Variants in CDK19 observed in about 807,000 individuals in gnomAD.
The protein encoded by CDK19 is cyclin-dependent kinase 19.
A neutral mutation model predicts 68.3 loss-of-function variants in CDK19; 20 were observed. That is an observed-to-expected ratio of 0.29 (90% confidence interval 0.21 to 0.43). CDK19 has a LOEUF of 0.43. Ranked by LOEUF, CDK19 falls within the 20% of genes least tolerant of loss-of-function variation. The pLI is 1.00. For missense variants in CDK19, 339 were observed against 623.5 expected (o/e 0.54, Z 4.86); for synonymous variants, 221 against 222.8 (o/e 0.99, Z 0.07).
intron 4 of CDK19, among the ~76,000 whole-genome samples, chr6:110,648,410 A>G (rs1045164691): frequency 6.6e-6 from 1 of 152,196 alleles, no homozygotes; most frequent in African/African-American, 2.4e-5. Flanking sequence ...GGAAAAAAAG[A>G]GCTAGGAAAT....
At chr6:110,668,185 TG>T (rs1376922660) in intron 3 of CDK19, among the ~76,000 whole-genome samples, 1 of 152,140 alleles carries the variant, frequency 6.6e-6, no homozygotes, top group East Asian at 1.9e-4. Flanking sequence ...ATAAAAACAT[TG>T]TACTGAAAGG....
At chr6:110,681,721 G>A (rs866494139) in intron 2 of CDK19, among the ~76,000 whole-genome samples, 2 of 152,070 alleles carry the variant, frequency 1.3e-5, no homozygotes, top group Non-Finnish European at 2.9e-5. Context: ...CTACAAATAC[G>A]TGTAATCATA....
At chr6:110,643,008 A>G (rs1050987524) in intron 4 of CDK19, among the ~76,000 whole-genome samples, 8 of 152,346 alleles carry the variant, frequency 5.3e-5, no homozygotes, top group Non-Finnish European at 1.2e-4. Context: ...AGGAAAGGCA[A>G]GGTAGGCCTG....
chr6:110,688,666 A>G (rs1008448810), intron 2 of CDK19, among the ~76,000 whole-genome samples: 1 of 152,160 alleles, frequency 6.6e-6, no homozygotes, highest in Admixed American at 6.5e-5. Flanking sequence ...CCTTAACCCC[A>G]CCCAGCACAG....
At chr6:110,646,797 G>A (rs1780621624) in intron 4 of CDK19, among the ~76,000 whole-genome samples, 1 of 151,982 alleles carries the variant, frequency 6.6e-6, no homozygotes, top group Non-Finnish European at 1.5e-5. Flanking sequence ...GTGGGGTGGC[G>A]GGCAAACCTT....
At chr6:110,716,006 G>A (rs555579780) in intron 2 of CDK19, among the ~76,000 whole-genome samples, 1 of 152,076 alleles carries the variant, frequency 6.6e-6, no homozygotes, top group South Asian at 2.1e-4. Context: ...TTTTCTGTCT[G>A]GAAGGAAGTG....
chr6:110,673,519 C>T (rs12208148), intron 2 of CDK19, among the ~76,000 whole-genome samples: 7,187 of 151,654 alleles, frequency 0.047, 178 homozygotes, highest in Middle Eastern at 0.075. Flanking sequence ...TGAGGAACCA[C>T]CATATAGGTC....
At chr6:110,793,318 G>A (rs752721052) in intron 1 of CDK19, among the ~76,000 whole-genome samples, 1 of 152,090 alleles carries the variant, frequency 6.6e-6, no homozygotes, top group Non-Finnish European at 1.5e-5. Flanking sequence ...ATATGACTCT[G>A]TTCTCTTCAC....
chr6:110,690,657 C>A (rs1772908418), intron 2 of CDK19, among the ~76,000 whole-genome samples: 1 of 152,196 alleles, frequency 6.6e-6, no homozygotes, highest in Non-Finnish European at 1.5e-5. Flanking sequence ...CAAGAGACCA[C>A]TGCCATTCCA....
intron 2 of CDK19, among the ~76,000 whole-genome samples, chr6:110,686,575 T>G (rs1172752839): frequency 6.6e-6 from 1 of 152,148 alleles, no homozygotes; most frequent in Non-Finnish European, 1.5e-5. Flanking sequence ...AAGTAGAGAC[T>G]CAACAAATTT....
intron 2 of CDK19, among the ~76,000 whole-genome samples, chr6:110,729,034 AAT>A (rs66900484): frequency 0.019 from 2,960 of 152,302 alleles, 94 homozygotes; most frequent in African/African-American, 0.068. Context: ...GATTAATAAT[AAT>A]AGTCTAATAT....
At chr6:110,779,946 G>A (rs1329771708) in intron 1 of CDK19, among the ~76,000 whole-genome samples, 2 of 151,820 alleles carry the variant, frequency 1.3e-5, no homozygotes, top group African/African-American at 2.4e-5. Context: ...TAGGCCAGGC[G>A]CAATGGCTCA....
intron 4 of CDK19, among the ~76,000 whole-genome samples, chr6:110,652,320 G>C (rs76425366): frequency 0.027 from 4,123 of 152,212 alleles, 81 homozygotes; most frequent in South Asian, 0.083. Flanking sequence ...GGTCATAGGT[G>C]ATTCCAAAAA....
chr6:110,676,563 T>C (rs1771555244), intron 2 of CDK19, among the ~76,000 whole-genome samples: 1 of 152,078 alleles, frequency 6.6e-6, no homozygotes, highest in Non-Finnish European at 1.5e-5. Context: ...CTTTAAGAAA[T>C]TGCCACCCCA....
At chr6:110,783,897 C>T (rs1046179933) in intron 1 of CDK19, among the ~76,000 whole-genome samples, 3 of 151,942 alleles carry the variant, frequency 2.0e-5, no homozygotes, top group African/African-American at 4.8e-5. Context: ...CGGTGGCTCA[C>T]GCCTGTTATC....
intron 1 of CDK19, among the ~76,000 whole-genome samples, chr6:110,811,362 C>T (rs1307162270): frequency 6.6e-6 from 1 of 152,134 alleles, no homozygotes; most frequent in Non-Finnish European, 1.5e-5. Flanking sequence ...TCATTTGAAA[C>T]CCTGACAAAA....
intron 2 of CDK19, among the ~76,000 whole-genome samples, chr6:110,710,559 A>G (rs1774863800): frequency 6.6e-6 from 1 of 152,178 alleles, no homozygotes; most frequent in Admixed American, 6.5e-5. Flanking sequence ...TATTTCTCAC[A>G]TTTCTGTAGA....
chr6:110,621,121 T>C lies in CDK19; in HGVS notation c.1360A>G (p.Met454Val), dbSNP rs747643636. ...GGGAGTACCTGATAATCCGAGGGCA[T>C]CACAGGTCCACCTGAGTTTGCGCCT... ...PSGANSGGPV[M>V]PSDYQHSSSR... is the part of the protein sequence containing the mutation. Residue 454 changes from methionine (M) to valine (V), a missense_variant, in exon 12 of 13, where the codon ATG becomes GTG. Around this residue, in one of 4 missense-constraint regions of CDK19, gnomAD observed 155 missense variants for 222.7 expected, o/e 0.70. Transcript: ENST00000368911. The surrounding 1 kb of genome is among the most constrained non-coding windows in gnomAD (Gnocchi z 5.4). 15 of 1,613,600 alleles carry C rather than the reference T, an allele frequency of 9.3e-6. No homozygotes were observed. The South Asian group carries it at 1.6e-4, about 18-fold the overall frequency.
At chr6:110,811,084 G>A (rs1221773521) in intron 1 of CDK19, among the ~76,000 whole-genome samples, 1 of 152,060 alleles carries the variant, frequency 6.6e-6, no homozygotes, top group East Asian at 1.9e-4. Context: ...ACCTCTCAAA[G>A]CTCTAGGTTT....
Sources: allele counts gnomAD v4.1 joint callset (sites outside exome capture counted in the v4.1 genomes callset), GRCh38; gene constraint gnomAD v4.1.1; regional missense constraint gnomAD v4.1.1; non-coding constraint Gnocchi (gnomAD v3.1); transcripts MANE v1.5; gene names NCBI Gene and HGNC (gene_info 2026-07-23, HGNC 2026-07-21).